Variants in ALOX5 observed in about 807,000 individuals in gnomAD.
ALOX5 encodes the protein arachidonate 5-lipoxygenase, also known as polyunsaturated fatty acid 5-lipoxygenase.
In ALOX5, 64 loss-of-function variants were observed where a neutral mutation model predicts 87.9. That is an observed-to-expected ratio of 0.73 (90% CI 0.60 to 0.90). The LOEUF (loss-of-function observed/expected upper bound fraction) is 0.90. Among genes scored for constraint, ALOX5 ranks in the 40% least tolerant of loss-of-function variants. ALOX5 has a pLI of 0.00. For synonymous variants in ALOX5, 388 were observed against 355.1 expected, an observed-to-expected ratio of 1.09 and a Z score of -1.04; for missense variants, 822 against 907.5, an observed-to-expected ratio of 0.91 and a Z score of 1.21.
In ALOX5 at chr10:45,445,504, T is replaced by C; in HGVS notation, c.1846-4T>C. ...TATGTGTGTGTCCATGTCTGGGCCC[T>C]CAGCTGTTCCTGGGCATGTACCCAG... On this transcript the variant is annotated splice_polypyrimidine_tract_variant and splice_region_variant and intron_variant, in intron 13 of 13. Coordinates refer to ENST00000374391, the MANE Select transcript of ALOX5 (RefSeq NM_000698.5). 1 of 1,612,114 alleles carries C rather than the reference T, an allele frequency of 6.2e-7. No homozygotes were observed. Among genetic ancestry groups the C allele is most frequent in the African/African-American group, 1.3e-5 (1 of 75,006 alleles).
At chr10:45,405,599 G>A (rs138222133) in intron 3 of ALOX5, among the ~76,000 whole-genome samples, 46 of 152,116 alleles carry the variant, frequency 3.0e-4, no homozygotes, top group African/African-American at 1.0e-3. Flanking sequence ...ACTATGTATT[G>A]TTTACATCTA....
rs141270243 is a variant in ALOX5, at chr10:45,416,987, A to G, written c.554+4674A>G. ...GAATTAATGGTGGAGTGAAGGCCAG[A>G]CTGTGCCTTTCTTATCTCTGTTCAG... On this transcript the variant is annotated intron_variant, in intron 4 of 13. Coordinates refer to ENST00000374391, the MANE Select transcript of ALOX5 (RefSeq NM_000698.5). Among the ~76,000 whole-genome samples the G allele has an allele frequency of 6.0e-4, 92 of 152,178 alleles. 1 individual carries two copies. The East Asian group carries it at 0.016, about 26-fold the overall frequency.
intron 3 of ALOX5, among the ~76,000 whole-genome samples, chr10:45,397,252 C>T (rs149851136): frequency 4.6e-5 from 7 of 152,248 alleles, no homozygotes; most frequent in African/African-American, 1.4e-4. Flanking sequence ...TGGTGGCATG[C>T]GCCTGTAGTC....
intron 3 of ALOX5, among the ~76,000 whole-genome samples, chr10:45,406,746 TTTTG>T (rs1428520041): frequency 1.3e-5 from 2 of 152,228 alleles, no homozygotes; most frequent in African/African-American, 4.8e-5. Context: ...AATCACTTGT[TTTTG>T]TTTGTTTGTT....
chr10:45,436,980 G>A (rs2132843025), intron 7 of ALOX5, among the ~76,000 whole-genome samples: 1 of 152,162 alleles, frequency 6.6e-6, no homozygotes, highest in East Asian at 1.9e-4. Flanking sequence ...TGTGTATGGG[G>A]GACTATTGTA....
At chr10:45,430,387 A>G (rs1313207709) in intron 7 of ALOX5, among the ~76,000 whole-genome samples, 1 of 152,152 alleles carries the variant, frequency 6.6e-6, no homozygotes, top group Non-Finnish European at 1.5e-5. Flanking sequence ...AAAAAATAAT[A>G]ATAATAACCT....
intron 2 of ALOX5, among the ~76,000 whole-genome samples, chr10:45,393,610 C>T (rs1267478652): frequency 1.3e-5 from 2 of 152,276 alleles, no homozygotes; most frequent in East Asian, 3.9e-4. Flanking sequence ...CCAGGGCAAT[C>T]AGGCAGGAGA....
At chr10:45,426,355 C>T (rs1841702999) in intron 6 of ALOX5, among the ~76,000 whole-genome samples, 1 of 152,208 alleles carries the variant, frequency 6.6e-6, no homozygotes, top group African/African-American at 2.4e-5. Flanking sequence ...TTATGAGTCA[C>T]CTTTCCTTTG....
intron 1 of ALOX5, among the ~76,000 whole-genome samples, chr10:45,378,824 G>A (rs1297386748): frequency 6.6e-6 from 1 of 152,194 alleles, no homozygotes; most frequent in Non-Finnish European, 1.5e-5. Context: ...CCAGCACCAG[G>A]AAAGTGGCTG....
At chr10:45,445,463 G>A (rs375846340) in intron 13 of ALOX5, 45 bp from the exon 14 acceptor site, 33 of 1,583,330 alleles carry the variant, frequency 2.1e-5, no homozygotes, top group African/African-American at 2.0e-4. Flanking sequence ...CAGTTTACAC[G>A]GGTAGTGGAT....
intron 1 of ALOX5, among the ~76,000 whole-genome samples, chr10:45,376,166 T>C (rs1839601709): frequency 6.6e-6 from 1 of 151,502 alleles, no homozygotes; most frequent in Non-Finnish European, 1.5e-5. Context: ...GTGAAGGCAC[T>C]GTTTTGTCCA....
At chr10:45,374,741 C>A (rs1028517162) in intron 1 of ALOX5, among the ~76,000 whole-genome samples, 1 of 152,170 alleles carries the variant, frequency 6.6e-6, no homozygotes, top group Non-Finnish European at 1.5e-5. Flanking sequence ...CAAGGTTTCC[C>A]CTCCACTTCA....
At chr10:45,405,139 C>T (rs1840831954) in intron 3 of ALOX5, among the ~76,000 whole-genome samples, 1 of 152,208 alleles carries the variant, frequency 6.6e-6, no homozygotes, top group Non-Finnish European at 1.5e-5. Flanking sequence ...CAGAACCAAC[C>T]TTGTACAAAC....
chr10:45,428,487 G>A (rs1194920529), intron 6 of ALOX5, 131 bp from the exon 7 acceptor site: 2 of 1,165,226 alleles, frequency 1.7e-6, no homozygotes, highest in Non-Finnish European at 2.4e-6. Context: ...GAGGAGAGAA[G>A]TACACATTCT....
At chr10:45,439,363 T>A (rs1018704350) in intron 7 of ALOX5, among the ~76,000 whole-genome samples, 4 of 152,204 alleles carry the variant, frequency 2.6e-5, no homozygotes, top group African/African-American at 9.7e-5. Flanking sequence ...ACCACTGTGC[T>A]GCAGTGACAC....
intron 2 of ALOX5, among the ~76,000 whole-genome samples, chr10:45,391,693 CG>C (rs1840265921): frequency 6.6e-6 from 1 of 151,778 alleles, no homozygotes; most frequent in Admixed American, 6.6e-5. Context: ...AAGTGAGGAG[CG>C]TCTCTGCCCA....
intron 7 of ALOX5, among the ~76,000 whole-genome samples, chr10:45,434,903 A>G (rs950960334): frequency 5.3e-5 from 8 of 152,062 alleles, no homozygotes; most frequent in African/African-American, 1.9e-4. Flanking sequence ...AGATGAGATG[A>G]TGTTTTCTTT....
At chr10:45,429,093 A>G (rs1273808524) in intron 7 of ALOX5, among the ~76,000 whole-genome samples, 1 of 152,126 alleles carries the variant, frequency 6.6e-6, no homozygotes, top group East Asian at 1.9e-4. Context: ...TAAGCTGGAG[A>G]CCAAGACCAC....
intron 9 of ALOX5, 42 bp from the exon 10 acceptor site, chr10:45,442,995 TG>T: frequency 6.3e-7 from 1 of 1,584,516 alleles, no homozygotes; most frequent in South Asian, 1.2e-5. Flanking sequence ...TGGACAGCTG[TG>T]GGAGGAGCCA....
Sources: gnomAD v4.1 joint callset for allele counts (sites outside exome capture counted in the v4.1 genomes callset) on GRCh38, gnomAD v4.1.1 for gene constraint, MANE v1.5 for transcripts, NCBI Gene and HGNC (gene_info 2026-07-23, HGNC 2026-07-21) for gene names.